The following NDST3 variants were observed in gnomAD, a reference collection of about 807,000 sequenced individuals.
NDST3 encodes N-deacetylase and N-sulfotransferase 3, also known as bifunctional heparan sulfate N-deacetylase/N-sulfotransferase 3.
In NDST3, 58 loss-of-function variants were observed where a neutral mutation model predicts 96.1. The observed-to-expected ratio is 0.60, with a 90% CI of 0.49 to 0.75. NDST3 has a LOEUF of 0.75. Among genes scored for constraint, NDST3 ranks in the 30% least tolerant of loss-of-function variants. NDST3 has a pLI of 0.00. For synonymous variants in NDST3, 333 were observed against 359.7 expected, an observed-to-expected ratio of 0.93 and a Z score of 0.84; for missense variants, 788 against 1,034.2, an observed-to-expected ratio of 0.76 and a Z score of 3.27.
At chr4:118,082,850 G>C (rs971733416) in intron 2 of NDST3, among the ~76,000 whole-genome samples, 2 of 152,142 alleles carry the variant, frequency 1.3e-5, no homozygotes, top group Non-Finnish European at 2.9e-5. Flanking sequence ...TGGCTGGGGA[G>C]GCCTCAGGGA....
intron 6 of NDST3, among the ~76,000 whole-genome samples, chr4:118,213,943 A>G (rs1009254607): frequency 7.2e-5 from 11 of 152,272 alleles, no homozygotes; most frequent in African/African-American, 2.4e-4. Flanking sequence ...TCTTTAATGA[A>G]CCATACACAT....
At chr4:118,160,481 A>C (rs1735024788) in intron 6 of NDST3, among the ~76,000 whole-genome samples, 1 of 151,354 alleles carries the variant, frequency 6.6e-6, no homozygotes, top group African/African-American at 2.4e-5. Flanking sequence ...AAAAAAAAAA[A>C]CAACTTTATT....
At chr4:118,108,211 G>A (rs1038051160) in intron 3 of NDST3, among the ~76,000 whole-genome samples, 1 of 152,144 alleles carries the variant, frequency 6.6e-6, no homozygotes, top group Non-Finnish European at 1.5e-5. Flanking sequence ...TACAACTCAG[G>A]GTGAGATTTG....
At chr4:118,186,574 T>C (rs1273646003) in intron 6 of NDST3, among the ~76,000 whole-genome samples, 1 of 152,148 alleles carries the variant, frequency 6.6e-6, no homozygotes, top group Non-Finnish European at 1.5e-5. Flanking sequence ...CTGCTTTTAT[T>C]CTGATCACAT....
chr4:118,118,934 T>A (rs1731328035), intron 4 of NDST3, among the ~76,000 whole-genome samples: 1 of 152,316 alleles, frequency 6.6e-6, no homozygotes, highest in South Asian at 2.1e-4. Flanking sequence ...TGAAGAACTG[T>A]ATCTAAATTT....
At chr4:118,048,410 C>T (rs971021066) in intron 1 of NDST3, among the ~76,000 whole-genome samples, 9 of 151,966 alleles carry the variant, frequency 5.9e-5, no homozygotes, top group Admixed American at 1.3e-4. Flanking sequence ...GCTAAATGCC[C>T]CACTTAAAAG....
chr4:118,217,162 C>T (rs771174845), intron 6 of NDST3, among the ~76,000 whole-genome samples: 13 of 151,992 alleles, frequency 8.6e-5, no homozygotes, highest in Non-Finnish European at 1.6e-4. Context: ...AGTGAGGCAG[C>T]GTATTTACAG....
chr4:118,101,162 T>C (rs778891786), intron 2 of NDST3, among the ~76,000 whole-genome samples: 2 of 152,074 alleles, frequency 1.3e-5, no homozygotes, highest in Non-Finnish European at 2.9e-5. Context: ...TAAATCTTCA[T>C]GTAAAACTTC....
chr4:118,238,711 A>G (rs1740839128), intron 10 of NDST3, among the ~76,000 whole-genome samples: 1 of 152,216 alleles, frequency 6.6e-6, no homozygotes, highest in Non-Finnish European at 1.5e-5. Context: ...AATTGCTTTC[A>G]GCCTAATTGG....
intron 6 of NDST3, among the ~76,000 whole-genome samples, chr4:118,169,265 T>G (rs1397470722): frequency 6.6e-6 from 1 of 152,144 alleles, no homozygotes; most frequent in Non-Finnish European, 1.5e-5. Flanking sequence ...AAAAGGACAA[T>G]ATAGTGTTTT....
intron 12 of NDST3, among the ~76,000 whole-genome samples, 156 bp from the exon 13 acceptor site, chr4:118,253,343 T>C (rs866375137): frequency 6.6e-6 from 1 of 152,190 alleles, no homozygotes; most frequent in Non-Finnish European, 1.5e-5. Context: ...CAAAGGAATA[T>C]AGTAAAAAAG....
At chr4:118,068,550 T>A (rs181244451) in intron 2 of NDST3, among the ~76,000 whole-genome samples, 81 of 152,228 alleles carry the variant, frequency 5.3e-4, no homozygotes, top group Middle Eastern at 3.4e-3. Context: ...GAAACATCAC[T>A]TTAAATGTTT....
chr4:118,246,827 T>C (rs1363127531), intron 12 of NDST3, among the ~76,000 whole-genome samples: 1 of 152,080 alleles, frequency 6.6e-6, no homozygotes, highest in Non-Finnish European at 1.5e-5. Flanking sequence ...AATGATTCAA[T>C]TACCTCCAGC....
intron 12 of NDST3, among the ~76,000 whole-genome samples, chr4:118,244,180 AGTT>A (rs66474908): frequency 0.043 from 6,606 of 152,234 alleles, 215 homozygotes; most frequent in Non-Finnish European, 0.069. Context: ...GCAGTGCACT[AGTT>A]GTAGAATATT....
chr4:118,248,655 G>A (rs1741470149), intron 12 of NDST3, among the ~76,000 whole-genome samples: 1 of 152,190 alleles, frequency 6.6e-6, no homozygotes, highest in Non-Finnish European at 1.5e-5. Flanking sequence ...ACTGCCTGAA[G>A]GCCTTGAAAG....
At chr4:118,202,510 C>A (rs1306328069) in intron 6 of NDST3, among the ~76,000 whole-genome samples, 1 of 152,070 alleles carries the variant, frequency 6.6e-6, no homozygotes, top group Non-Finnish European at 1.5e-5. Flanking sequence ...TTTTGTAGTT[C>A]TCTTTGTAGA....
At chr4:118,175,893 C>A (rs1736250115) in intron 6 of NDST3, among the ~76,000 whole-genome samples, 1 of 152,048 alleles carries the variant, frequency 6.6e-6, no homozygotes, top group Non-Finnish European at 1.5e-5. Flanking sequence ...TCCATGTTTA[C>A]AATTGTTTGT....
chr4:118,041,440 C>T (rs1354641219), intron 1 of NDST3, among the ~76,000 whole-genome samples: 1 of 152,224 alleles, frequency 6.6e-6, no homozygotes, highest in African/African-American at 2.4e-5. Flanking sequence ...ACATTTATAA[C>T]TGATCCAACT....
intron 6 of NDST3, among the ~76,000 whole-genome samples, chr4:118,167,876 GACCCTTATCATAC>G (rs987860849): frequency 4.0e-5 from 6 of 151,740 alleles, no homozygotes; most frequent in Non-Finnish European, 5.9e-5. Flanking sequence ...AATTAAAATG[GACCCTTATCATAC>G]ACCATACACA....
Sources: gnomAD v4.1 joint callset for allele counts (sites outside exome capture counted in the v4.1 genomes callset) on GRCh38, gnomAD v4.1.1 for gene constraint, MANE v1.5 for transcripts, NCBI Gene and HGNC (gene_info 2026-07-23, HGNC 2026-07-21) for gene names.